BAZ2B: variants seen among roughly 807,000 people sequenced by gnomAD.
BAZ2B encodes the protein bromodomain adjacent to zinc finger domain protein 2B.
A neutral mutation model predicts 246.0 loss-of-function variants in BAZ2B; 91 were observed. That is an observed-to-expected ratio of 0.37 (90% CI 0.31 to 0.44). The LOEUF (loss-of-function observed/expected upper bound fraction) is 0.44, where lower values mean the gene tolerates loss of function less well. BAZ2B is among the 20% of genes least tolerant of loss of function. The pLI is 1.00. For missense variants in BAZ2B, 2,332 were observed against 2,533.7 expected (o/e 0.92, Z 1.71); for synonymous variants, 855 against 860.0 (o/e 0.99, Z 0.10).
the BAZ2B span, among the ~76,000 whole-genome samples, chr2:159,644,111 A>T: frequency 6.6e-6 from 1 of 152,158 alleles, no homozygotes; most frequent in African/African-American, 2.4e-5. Context: ...AAAGGATTAA[A>T]TAAGTATCAT....
chr2:159,511,476 C>G (rs6721194), intron 2 of BAZ2B, among the ~76,000 whole-genome samples: 122,366 of 152,138 alleles, frequency 0.8, 49,663 homozygotes, highest in Middle Eastern at 0.87. Context: ...AAAGTGCTGG[C>G]ACTACAGGCG....
At chr2:159,391,457 T>A (rs76197642) in intron 20 of BAZ2B, among the ~76,000 whole-genome samples, 1 of 152,134 alleles carries the variant, frequency 6.6e-6, no homozygotes, top group African/African-American at 2.4e-5. Context: ...GATCTATTAA[T>A]GATGTCCATA....
chr2:159,320,414 G>T lies in BAZ2B; in HGVS notation c.6358C>A (p.Pro2120Thr). The T allele has an allele frequency of 1.3e-6, 2 of 1,559,444 alleles. No homozygotes were observed. The highest frequency in any genetic ancestry group is 1.7e-6 in the Non-Finnish European group (2 of 1,163,444). The change falls in exon 37 of 37, where the codon CCA (proline) becomes ACA (threonine). Residue 2120 changes from proline to threonine, a missense_variant. Physicochemically the swap from Pro to Thr is conservative, Grantham distance 38 (BLOSUM62 -1). Coordinates refer to ENST00000392783, the MANE Select transcript of BAZ2B (RefSeq NM_013450.4). Reference protein sequence around the residue: ...IREKLSSGQYPNLETFALDVR... With the variant: ...IREKLSSGQYTNLETFALDVR... ...TCTAGAGCAAAGGTTTCAAGGTTTG[G>T]ATACCTGAAAGAAAACAAATAATTA... is the stretch of plus-strand genomic sequence containing the variant.
At chr2:159,529,753 C>T (rs915548894) in intron 2 of BAZ2B, among the ~76,000 whole-genome samples, 1 of 150,768 alleles carries the variant, frequency 6.6e-6, no homozygotes. Context: ...TTGTTTAGTA[C>T]CTTATCCTTA....
At chr2:159,501,205 T>TTATA in intron 2 of BAZ2B, among the ~76,000 whole-genome samples, 1 of 75,428 alleles carries the variant, frequency 1.3e-5, no homozygotes, top group African/African-American at 4.8e-5. Context: ...ATATATATTT[T>TTATA]TATATATATT....
At position 159,349,123 on chromosome 2, in the gene BAZ2B, G is replaced by A; in HGVS notation, c.5021C>T (p.Ala1674Val). ...NGNSFLTSNV[A>V]SSKSESPVPQ... Reference sequence around the variant, plus strand: ...TACTGGAGATTCACTTTTACTTGAAGCAACATTGGAAGTCAAGAATGAATT... The same window carrying A: ...TACTGGAGATTCACTTTTACTTGAAACAACATTGGAAGTCAAGAATGAATT... Residue 1674 changes from alanine (A) to valine (V), a missense_variant, in exon 29 of 37, where the codon GCT becomes GTT. Coordinates refer to ENST00000392783, the MANE Select transcript of BAZ2B (RefSeq NM_013450.4). 1 of 1,614,020 alleles carries A rather than the reference G, an allele frequency of 6.2e-7. No individual in the cohort carries two copies. The highest frequency in any genetic ancestry group is 2.2e-5 in the East Asian group (1 of 44,860).
intron 2 of BAZ2B, among the ~76,000 whole-genome samples, chr2:159,529,769 T>C: frequency 6.7e-6 from 1 of 149,478 alleles, no homozygotes; most frequent in East Asian, 2.1e-4. Flanking sequence ...CCTTAGCACA[T>C]GCAAGTAACT....
the BAZ2B span, among the ~76,000 whole-genome samples, chr2:159,698,823 A>G: frequency 6.6e-6 from 1 of 152,182 alleles, no homozygotes; most frequent in Admixed American, 6.5e-5. Flanking sequence ...AAAATTTCTA[A>G]TAGTTATAAA....
At chr2:159,625,579 G>A in the BAZ2B span, among the ~76,000 whole-genome samples, 1 of 152,148 alleles carries the variant, frequency 6.6e-6, no homozygotes, top group African/African-American at 2.4e-5. Flanking sequence ...GCCAAACTAA[G>A]CTTCAAAAGC....
At chr2:159,479,392 A>G (rs1345842902) in intron 2 of BAZ2B, among the ~76,000 whole-genome samples, 1 of 152,194 alleles carries the variant, frequency 6.6e-6, no homozygotes, top group Non-Finnish European at 1.5e-5. Context: ...TAATGCTGAT[A>G]TTAAAAATTT....
the BAZ2B span, among the ~76,000 whole-genome samples, chr2:159,709,501 T>C: frequency 6.6e-6 from 1 of 152,202 alleles, no homozygotes; most frequent in African/African-American, 2.4e-5. Context: ...ATGATGGTTA[T>C]CCTAAATACC....
intron 14 of BAZ2B, among the ~76,000 whole-genome samples, chr2:159,408,780 C>T (rs1363449646): frequency 6.6e-6 from 1 of 152,120 alleles, no homozygotes; most frequent in East Asian, 1.9e-4. Context: ...ATTAGCCGGG[C>T]GTTGTGGTGG....
At chr2:159,467,974 A>C (rs2077290543) in intron 3 of BAZ2B, among the ~76,000 whole-genome samples, 1 of 152,224 alleles carries the variant, frequency 6.6e-6, no homozygotes, top group Non-Finnish European at 1.5e-5. Context: ...CTAAGGCAGC[A>C]TCTCAAAATG....
the BAZ2B span, among the ~76,000 whole-genome samples, chr2:159,698,871 A>ATT: frequency 6.6e-6 from 1 of 152,188 alleles, no homozygotes; most frequent in African/African-American, 2.4e-5. Context: ...TGAACTGAAG[A>ATT]TTTTCTTTAG....
At chr2:159,386,209 T>C in intron 22 of BAZ2B, 144 bp downstream of exon 22, 2 of 955,196 alleles carry the variant, frequency 2.1e-6, no homozygotes, top group South Asian at 1.9e-5. Flanking sequence ...AAGTGTAACC[T>C]GACACAAATC....
Position 159,364,195 on chromosome 2 carries a change from C to T in BAZ2B, c.4213+8850G>A, listed in dbSNP as rs1267202491. 2.6e-5 allele frequency among the ~76,000 whole-genome samples: 4 copies of T among 152,286 alleles called. No individual in the cohort carries two copies. The East Asian group carries it at 5.8e-4, about 22-fold the overall frequency. ...AGAGCCTCCAATATTTACGGGTTTG[C>T]TAGAAATGGAGGACCAAGTATCATA... On this transcript the variant is annotated intron_variant, in intron 27 of 36. Transcript: ENST00000392783.
intron 9 of BAZ2B, among the ~76,000 whole-genome samples, 176 bp downstream of exon 9, chr2:159,432,581 C>T (rs1323165569): frequency 6.6e-6 from 1 of 152,194 alleles, no homozygotes; most frequent in Non-Finnish European, 1.5e-5. Flanking sequence ...GAGAATCTGA[C>T]TTAGGATTTC....
chr2:159,569,960 G>A (rs1683554071), intron 1 of BAZ2B, among the ~76,000 whole-genome samples: 1 of 152,252 alleles, frequency 6.6e-6, no homozygotes, highest in East Asian at 1.9e-4. Context: ...AATCCATGAT[G>A]AAATAAGTCT....
At chr2:159,372,196 C>A (rs2060923287) in intron 27 of BAZ2B, among the ~76,000 whole-genome samples, 1 of 152,110 alleles carries the variant, frequency 6.6e-6, no homozygotes, top group Admixed American at 6.5e-5. Flanking sequence ...TCCTACAGTG[C>A]CTAGAAATGT....
Sources: allele counts gnomAD v4.1 joint callset (sites outside exome capture counted in the v4.1 genomes callset), GRCh38; gene constraint gnomAD v4.1.1; transcripts MANE v1.5; gene names NCBI Gene and HGNC (gene_info 2026-07-23, HGNC 2026-07-21).